The following EEF1AKMT2 variants were observed in gnomAD, a reference collection of about 807,000 sequenced individuals.
EEF1AKMT2 encodes the protein EEF1A lysine methyltransferase 2, also known as eukaryotic translation elongation factor 1 alpha lysine methyltransferase 2.
EEF1AKMT2 carries 32 observed loss-of-function variants against 35.8 expected under a neutral mutation model. The observed-to-expected ratio is 0.89, with a 90% CI of 0.67 to 1.20. EEF1AKMT2 has a LOEUF of 1.20. EEF1AKMT2 is among the 50% of genes most tolerant of loss of function. EEF1AKMT2 has a pLI of 0.00. For missense variants in EEF1AKMT2, 330 were observed against 347.5 expected, an observed-to-expected ratio of 0.95 and a Z score of 0.40; for synonymous variants, 121 against 133.7, an observed-to-expected ratio of 0.91 and a Z score of 0.65.
At chr10:124,760,945 C>T (rs1589777284) in intron 6 of EEF1AKMT2, among the ~76,000 whole-genome samples, 1 of 152,264 alleles carries the variant, frequency 6.6e-6, no homozygotes, top group Non-Finnish European at 1.5e-5. Flanking sequence ...GCTCAGCTCA[C>T]TGCAACCTCT....
At chr10:124,790,387 T>G in intron 1 of EEF1AKMT2, 49 bp from the exon 2 acceptor site, 2 of 1,310,104 alleles carry the variant, frequency 1.5e-6, no homozygotes, top group Non-Finnish European at 2.2e-6. Flanking sequence ...TAAACTGTAT[T>G]ATGAATTAAA....
intron 3 of EEF1AKMT2, among the ~76,000 whole-genome samples, chr10:124,777,574 C>G (rs1374599796): frequency 2.6e-5 from 4 of 151,306 alleles, no homozygotes; most frequent in Non-Finnish European, 4.4e-5. Context: ...GGCTGGAGTG[C>G]AGTAGCACAA....
At chr10:124,785,246 CAAAAAAAAAAAAAA>C (rs35915292) in intron 3 of EEF1AKMT2, among the ~76,000 whole-genome samples, 2 of 61,398 alleles carry the variant, frequency 3.3e-5, no homozygotes, top group African/African-American at 7.3e-5. Flanking sequence ...GACTCCGTCT[CAAAAAAAAAAAAAA>C]AAAAAAAAAA....
chr10:124,786,588 T>C (rs186721823), intron 3 of EEF1AKMT2, among the ~76,000 whole-genome samples: 164 of 150,408 alleles, frequency 1.1e-3, no homozygotes, highest in African/African-American at 3.3e-3. Context: ...GGCAGGCAGA[T>C]GGATTACCTG....
At chr10:124,786,840 T>G (rs1446714099) in intron 3 of EEF1AKMT2, among the ~76,000 whole-genome samples, 2 of 151,146 alleles carry the variant, frequency 1.3e-5, no homozygotes, top group Admixed American at 6.6e-5. Context: ...GAAAAGAAAA[T>G]AATCTACAAG....
At chr10:124,771,252 A>C (rs1213672652) in intron 4 of EEF1AKMT2, among the ~76,000 whole-genome samples, 4 of 151,950 alleles carry the variant, frequency 2.6e-5, no homozygotes, top group Non-Finnish European at 5.9e-5. Context: ...GGCACCTGCC[A>C]CCACACCTGG....
At chr10:124,790,192 G>A (rs917052621) in intron 2 of EEF1AKMT2, 81 bp downstream of exon 2, 2 of 1,149,616 alleles carry the variant, frequency 1.7e-6, no homozygotes, top group Non-Finnish European at 2.6e-6. Context: ...CGCGCCCGGC[G>A]AATATATACG....
chr10:124,780,897 C>A (rs1333698122), intron 3 of EEF1AKMT2, among the ~76,000 whole-genome samples: 1 of 151,492 alleles, frequency 6.6e-6, no homozygotes, highest in Non-Finnish European at 1.5e-5. Context: ...AACAACAATT[C>A]AAATGACTGC....
intron 3 of EEF1AKMT2, among the ~76,000 whole-genome samples, chr10:124,777,947 T>A (rs1950501868): frequency 6.6e-6 from 1 of 152,174 alleles, no homozygotes; most frequent in African/African-American, 2.4e-5. Context: ...TATGACTATA[T>A]ATACATACAC....
At position 124,791,741 on chromosome 10, in the gene EEF1AKMT2, C is replaced by A. The variant is rs771071018; in HGVS notation, c.93G>T (p.Ala31=). ...ACACTCACTGCTCGCGGGTCCCCAG[C>A]GCCGACGGGACGAAACCGTCCTCCC... The part of the protein sequence containing the change: ...SPGEDGFVPS[A]LGTREHWDAV... Residue 31 remains alanine (A), a synonymous_variant, in exon 1 of 7, where the codon GCG becomes GCT. Transcript: ENST00000368836. 3.1e-5 allele frequency: 50 copies of A among 1,589,848 alleles called. No individual in the cohort carries two copies. The highest frequency in any genetic ancestry group is 1.0e-4 in the Admixed American group (6 of 58,058).
intron 4 of EEF1AKMT2, among the ~76,000 whole-genome samples, chr10:124,770,100 T>C (rs562564096): frequency 6.6e-6 from 1 of 151,920 alleles, no homozygotes. Context: ...CTGGTCAACA[T>C]GATGAAATCT....
At chr10:124,790,520 G>C (rs1950625119) in intron 1 of EEF1AKMT2, among the ~76,000 whole-genome samples, 182 bp from the exon 2 acceptor site, 2 of 152,028 alleles carry the variant, frequency 1.3e-5, no homozygotes, top group Admixed American at 6.6e-5. Flanking sequence ...AAATACATGG[G>C]CAAGCAGAAT....
rs771373265 is a variant in EEF1AKMT2, at chr10:124,762,320, G to A, written c.855C>T (p.Ala285=). The change falls in exon 6 of 7, where the codon GCC becomes GCT. Residue 285 remains alanine, a synonymous_variant. Transcript: ENST00000368836. ...WPPKVLGLYH[A]RPSLAF is the part of the protein sequence containing the mutation. ...CTTACTAAAATGCCAACGAGGGCCT[G>A]GCATGGTATAATCCCAGCACTTTGG... The A allele has an allele frequency of 4.4e-6, 5 of 1,124,550 alleles. No individual in the cohort carries two copies. Among genetic ancestry groups the A allele is most frequent in the Non-Finnish European group, 5.6e-6 (5 of 885,558 alleles). The allele number at this position is 1,124,550 out of a possible 1,614,324, so 69.7% of individuals were successfully genotyped here. A position where few individuals can be genotyped will look rare whatever the true frequency, so the allele number is the denominator to read the frequency against.
intron 4 of EEF1AKMT2, among the ~76,000 whole-genome samples, chr10:124,767,523 A>G (rs542232512): frequency 8.6e-5 from 13 of 151,642 alleles, no homozygotes; most frequent in African/African-American, 2.2e-4. Flanking sequence ...AAAAAAAAAA[A>G]AAAAGAAAAG....
At chr10:124,770,048 C>A (rs545876077) in intron 4 of EEF1AKMT2, among the ~76,000 whole-genome samples, 1 of 151,478 alleles carries the variant, frequency 6.6e-6, no homozygotes, top group East Asian at 1.9e-4. Context: ...TTTGGGAGGC[C>A]AAGGTGGAGG....
chr10:124,772,736 T>A (rs983685520), intron 4 of EEF1AKMT2, among the ~76,000 whole-genome samples: 2 of 152,170 alleles, frequency 1.3e-5, no homozygotes, highest in African/African-American at 4.8e-5. Context: ...CCAAGATGGC[T>A]TCTGTTCTTA....
intron 3 of EEF1AKMT2, among the ~76,000 whole-genome samples, chr10:124,778,170 A>G (rs1950504980): frequency 6.6e-6 from 1 of 151,872 alleles, no homozygotes; most frequent in East Asian, 1.9e-4. Flanking sequence ...GTGTATGTAT[A>G]GACAATTTTA....
intron 3 of EEF1AKMT2, among the ~76,000 whole-genome samples, chr10:124,777,019 C>A (rs904873053): frequency 6.6e-6 from 1 of 151,876 alleles, no homozygotes; most frequent in Non-Finnish European, 1.5e-5. Context: ...GTGGCTCAAG[C>A]TTGTAATCCT....
chr10:124,766,341 A>C (rs1486885453), intron 4 of EEF1AKMT2: 7 of 152,178 alleles, frequency 4.6e-5, no homozygotes, highest in Non-Finnish European at 8.8e-5. Flanking sequence ...GCAGCTTACG[A>C]AATTACTAAT....
Sources: gnomAD v4.1 joint callset for allele counts (sites outside exome capture counted in the v4.1 genomes callset) on GRCh38, gnomAD v4.1.1 for gene constraint, MANE v1.5 for transcripts, NCBI Gene and HGNC (gene_info 2026-07-23, HGNC 2026-07-21) for gene names.